Variants in SPG11 observed in about 807,000 individuals in gnomAD.
The protein encoded by SPG11 is SPG11 vesicle trafficking associated, spatacsin, also known as spatacsin.
SPG11 carries 222 observed loss-of-function variants against 274.0 expected under a neutral mutation model. That is an observed-to-expected ratio of 0.81 (90% confidence interval 0.73 to 0.91). SPG11 has a LOEUF of 0.91. Among genes scored for constraint, SPG11 ranks in the 40% least tolerant of loss-of-function variants. The pLI is 0.00. For synonymous variants in SPG11, 1,144 were observed against 1,039.7 expected (o/e 1.10, Z -1.93); for missense variants, 3,114 against 2,872.7 (o/e 1.08, Z -1.92).
intron 24 of SPG11, 123 bp from the exon 25 acceptor site, chr15:44,596,478 A>G: frequency 1.8e-6 from 2 of 1,131,838 alleles, no homozygotes; most frequent in South Asian, 2.6e-5. Context: ...CAGAGTGACT[A>G]TTATGTAATT....
chr15:44,597,062 T>G (rs2083062280), intron 23 of SPG11, 119 bp from the exon 24 acceptor site: 3 of 807,194 alleles, frequency 3.7e-6, no homozygotes, highest in Admixed American at 4.9e-5. Context: ...CAGTGTATTC[T>G]CCAACAAATA....
chr15:44,566,155 GAA>G, intron 37 of SPG11, 60 bp downstream of exon 37: 5 of 1,604,644 alleles, frequency 3.1e-6, no homozygotes, highest in Non-Finnish European at 4.3e-6. Flanking sequence ...AAGGACAAAA[GAA>G]AATAATTTTA....
intron 3 of SPG11, among the ~76,000 whole-genome samples, chr15:44,658,187 C>T (rs184325827): frequency 5.3e-5 from 8 of 152,288 alleles, no homozygotes; most frequent in Admixed American, 2.6e-4. Context: ...GGATTTATGA[C>T]ACTTTTGCAA....
Position 44,584,438 on chromosome 15 carries a change from C to T in SPG11, c.5242G>A (p.Ala1748Thr), listed in dbSNP as rs760615840. 1 of 1,614,226 alleles carries T rather than the reference C, an allele frequency of 6.2e-7. No individual in the cohort carries two copies. The highest frequency in any genetic ancestry group is 8.5e-7 in the Non-Finnish European group (1 of 1,180,046). The change falls in exon 30 of 40, where the codon GCT (alanine) becomes ACT (threonine). Residue 1748 changes from alanine (A) to threonine (T), a missense_variant. Coordinates refer to ENST00000261866, the MANE Select transcript of SPG11 (RefSeq NM_025137.4). ...FKKNSISSKA[A>T]SSFFSTQAHV... ...GCCTGGGTTGAGAAAAAGGAAGAAG[C>T]TGCTTTGCTTGAAATTGAATTTTTC...
At chr15:44,585,503 G>GAGGCAGGA in intron 29 of SPG11, 133 bp downstream of exon 29, 1 of 677,068 alleles carries the variant, frequency 1.5e-6, no homozygotes, top group Non-Finnish European at 2.5e-6. Flanking sequence ...TCGGGAGGCT[G>GAGGCAGGA]AGGCAGGAGA....
At position 44,573,567 on chromosome 15, in the gene SPG11, A is replaced by G; in HGVS notation, c.6185T>C (p.Leu2062Pro). ...LVAEEVTREL[L>P]TSSQGTGHKQ... ...GGCACCTGTTCCCTGTGATGAAGTA[A>G]GCAGCTCCCGTGTCACCTCTTCTGC... is the stretch of plus-strand genomic sequence containing the variant. The change falls in exon 32 of 40, where the codon CTT becomes CCT. Residue 2062 changes from leucine to proline, a missense_variant. Leu to Pro is a moderately conservative substitution (Grantham distance 98). Transcript: ENST00000261866. 6.2e-7 allele frequency: 1 copy of G among 1,614,172 alleles called. No homozygotes were observed. Among genetic ancestry groups the G allele is most frequent in the East Asian group, 2.2e-5 (1 of 44,878 alleles).
At chr15:44,586,316 G>T (rs1021869469) in intron 28 of SPG11, among the ~76,000 whole-genome samples, 1 of 152,154 alleles carries the variant, frequency 6.6e-6, no homozygotes, top group African/African-American at 2.4e-5. Context: ...TAGTGGTAAA[G>T]TCTGACTGAA....
At chr15:44,642,092 C>T (rs2084466954) in intron 7 of SPG11, among the ~76,000 whole-genome samples, 1 of 151,808 alleles carries the variant, frequency 6.6e-6, no homozygotes, top group Non-Finnish European at 1.5e-5. Context: ...CACTGCCAGG[C>T]ATGGTGGCTC....
In SPG11 at chr15:44,583,882, G is replaced by A. The variant is rs1445885752; in HGVS notation, c.5798C>T (p.Ala1933Val). ...SMEDLHPEIH[A>V]LLQSAELLEE... ...AAGCAGCTCAGCACTTTGTAGGAGA[G>A]CATGGATCTCTGGGTGCAGATCCTC... Residue 1933 changes from alanine (A) to valine (V), a missense_variant, in exon 30 of 40, where the codon GCT becomes GTT. Physicochemically the swap from Ala to Val is moderately conservative, Grantham distance 64. Coordinates refer to ENST00000261866, the MANE Select transcript of SPG11 (RefSeq NM_025137.4). 1.2e-6 allele frequency: 2 copies of A among 1,614,238 alleles called. No individual in the cohort carries two copies. Among genetic ancestry groups the A allele is most frequent in the East Asian group, 2.2e-5 (1 of 44,892 alleles).
In SPG11 at chr15:44,651,604, T is replaced by C; in HGVS notation, c.1343A>G (p.Tyr448Cys). 1 of 1,614,240 alleles carries C rather than the reference T, an allele frequency of 6.2e-7. No individual in the cohort carries two copies. Among genetic ancestry groups the C allele is most frequent in the Non-Finnish European group, 8.5e-7 (1 of 1,180,034 alleles). Residue 448 changes from tyrosine to cysteine, a missense_variant, in exon 6 of 40, where the codon TAT (tyrosine) becomes TGT (cysteine). By Grantham distance (194) the Tyr-to-Cys change is radical. Coordinates refer to ENST00000261866, the MANE Select transcript of SPG11 (RefSeq NM_025137.4). ...LFTWEVERMG[Y>C]TITLWDLETQ... ...CTCCAAATCCCAGAGGGTAATGGTA[T>C]AGCCCATCCTTTCCACTTCCCAAGT...
chr15:44,603,307 G>A (rs1431821327), intron 20 of SPG11, among the ~76,000 whole-genome samples: 1 of 152,018 alleles, frequency 6.6e-6, no homozygotes, highest in Non-Finnish European at 1.5e-5. Flanking sequence ...TGTCCAAGCT[G>A]GTCTTGAATT....
chr15:44,625,876 C>T (rs557833532), intron 11 of SPG11, among the ~76,000 whole-genome samples: 31 of 151,940 alleles, frequency 2.0e-4, no homozygotes, highest in African/African-American at 6.5e-4. Context: ...GACGGGGTTT[C>T]GCCATGTTGG....
intron 13 of SPG11, 100 bp from the exon 14 acceptor site, chr15:44,622,034 T>C: frequency 8.6e-7 from 1 of 1,161,344 alleles, no homozygotes; most frequent in South Asian, 1.4e-5. Context: ...GGGGAACACA[T>C]AATTCTGATT....
Position 44,660,445 on chromosome 15 carries a change from G to A in SPG11, c.429C>T (p.Asp143=), listed in dbSNP as rs569364105. 1.1e-4 allele frequency: 173 copies of A among 1,613,542 alleles called. 2 individuals carry two copies. In the South Asian group the frequency reaches 1.4e-3, roughly 13 times the overall value. ...GTAGATACTTACTGATATCTTGATCGTCAATGAGCTTTTGCAATGCCTCCC... is the reference window on the plus strand; with the variant it reads ...GTAGATACTTACTGATATCTTGATCATCAATGAGCTTTTGCAATGCCTCCC... ...CSREALQKLI[D]DQDISISLLS... Residue 143 remains aspartate (D), a synonymous_variant, in exon 2 of 40, where the codon GAC becomes GAT. Transcript: ENST00000261866.
Position 44,600,354 on chromosome 15 carries a change from AGCTCACT to A in SPG11, c.3686+106_3686+112del, listed in dbSNP as rs2083153163. The A allele has an allele frequency of 3.3e-5, 38 of 1,160,598 alleles. 1 individual carries two copies. The South Asian group carries it at 4.6e-4, about 14-fold the overall frequency. The allele number at this position is 1,160,598 out of a possible 1,614,324, so 71.9% of individuals were successfully genotyped here. ...GGCTAGAGTGCAGTGGCATGACCAT[AGCTCACT>A]GCTTCCTTGAACTCCTGGGCTCAAG... On this transcript the variant is annotated intron_variant, in intron 21 of 39. Transcript: ENST00000261866.
intron 11 of SPG11, among the ~76,000 whole-genome samples, chr15:44,625,413 G>A (rs1362183304): frequency 1.3e-5 from 2 of 152,118 alleles, no homozygotes; most frequent in Non-Finnish European, 2.9e-5. Context: ...CTGGATCATG[G>A]GGGCGGATTT....
At position 44,572,725 on chromosome 15, in the gene SPG11, A is replaced by G; in HGVS notation, c.6301T>C (p.Leu2101=). 6.2e-7 allele frequency: 1 copy of G among 1,614,150 alleles called. No individual in the cohort carries two copies. Among genetic ancestry groups the G allele is most frequent in the East Asian group, 2.2e-5 (1 of 44,878 alleles). ...TGGGGAACGGAGGAAATCTTATCCA[A>G]CAACTTCATGCCTACCAATGTGCGG... The part of the protein sequence containing the change: ...QDRTLVGMKL[L]DKISSVPHGE... The change falls in exon 33 of 40, where the codon TTG becomes CTG. Residue 2101 remains leucine, a synonymous_variant. Transcript: ENST00000261866.
At chr15:44,660,701 T>TA (rs2085080090) in intron 1 of SPG11, 85 bp from the exon 2 acceptor site, 1 of 1,289,864 alleles carries the variant, frequency 7.8e-7, no homozygotes, top group South Asian at 1.2e-5. Context: ...GTTGAATAAG[T>TA]AGAGAACAGT....
At position 44,596,107 on chromosome 15, in the gene SPG11, G is replaced by A. The variant is rs145579121; in HGVS notation, c.4410C>T (p.Leu1470=). ...CCTGGAGACATGAGGCCAGAACACT[G>A]AGGATAGGGGCCTGTTGTTTCACTG... The part of the protein sequence containing the change: ...VEAVKQQAPI[L]SVLASCLQGA... Residue 1470 remains leucine (L), a synonymous_variant, in exon 25 of 40, where the codon CTC becomes CTT. Transcript: ENST00000261866. 1.4e-4 allele frequency: 227 copies of A among 1,613,668 alleles called. No homozygotes were observed. Among genetic ancestry groups the A allele is most frequent in the Admixed American group, 8.3e-5 (5 of 60,008 alleles).
Sources: allele counts gnomAD v4.1 joint callset (sites outside exome capture counted in the v4.1 genomes callset), GRCh38; gene constraint gnomAD v4.1.1; transcripts MANE v1.5; gene names NCBI Gene and HGNC (gene_info 2026-07-23, HGNC 2026-07-21).